The following ARHGAP40 variants were observed in gnomAD, a reference collection of about 807,000 sequenced individuals.
The protein encoded by ARHGAP40 is rho GTPase-activating protein 40.
Under a neutral mutation model 73.5 loss-of-function variants are expected in ARHGAP40, and 43 were observed. That is an observed-to-expected ratio of 0.58 (90% CI 0.46 to 0.75). ARHGAP40 has a LOEUF of 0.75. Ranked by LOEUF, ARHGAP40 falls within the 30% of genes least tolerant of loss-of-function variation. The pLI is 0.00. For synonymous variants in ARHGAP40, 300 were observed against 352.8 expected, an observed-to-expected ratio of 0.85 and a Z score of 1.68; for missense variants, 734 against 861.8, an observed-to-expected ratio of 0.85 and a Z score of 1.86.
At chr20:38,644,034 T>TC in intron 11 of ARHGAP40, 124 bp downstream of exon 11, 1 of 849,860 alleles carries the variant, frequency 1.2e-6, no homozygotes, top group Admixed American at 3.7e-5. Context: ...TTTGTTGGCC[T>TC]CTGCACAGGC....
At chr20:38,630,849 A>G (rs1001169601) in intron 5 of ARHGAP40, among the ~76,000 whole-genome samples, 3 of 152,108 alleles carry the variant, frequency 2.0e-5, no homozygotes, top group Admixed American at 1.3e-4. Context: ...TGGAGTAAAT[A>G]TAGTCTTTCA....
chr20:38,621,751 T>A (rs1012277056), intron 1 of ARHGAP40, among the ~76,000 whole-genome samples: 1 of 152,180 alleles, frequency 6.6e-6, no homozygotes, highest in African/African-American at 2.4e-5. Context: ...AGGGAAAATA[T>A]AGCTAACAAA....
rs111663906 is a variant in ARHGAP40, at chr20:38,615,129, C to T, written c.138-8230C>T. 210 of 966,960 alleles carry T rather than the reference C, an allele frequency of 2.2e-4. No individual in the cohort carries two copies. The Middle Eastern group carries it at 2.8e-3, about 13-fold the overall frequency. The allele number at this position is 966,960 out of a possible 1,614,324, so 59.9% of individuals were successfully genotyped here. ...GTCCCATATATCCTTGACCAGGGTC[C>T]GGATTTCGTCTGCCTTCGGGATGTT... is the stretch of plus-strand genomic sequence containing the variant. On this transcript the variant is annotated intron_variant, in intron 1 of 14. Transcript: ENST00000373345.
At chr20:38,615,387 C>T (rs754663551) in intron 1 of ARHGAP40, 2 of 739,704 alleles carry the variant, frequency 2.7e-6, no homozygotes, top group Admixed American at 1.9e-5. Flanking sequence ...AGGTACCCAC[C>T]CCAATGAGGT....
At chr20:38,627,529 GTA>G (rs1311833375) in intron 3 of ARHGAP40, among the ~76,000 whole-genome samples, 36 of 130,306 alleles carry the variant, frequency 2.8e-4, no homozygotes, top group East Asian at 1.9e-3. Context: ...GTGTGTTGGG[GTA>G]TGTGTGTGTG....
At chr20:38,613,382 T>A (rs1601134540) in intron 1 of ARHGAP40, among the ~76,000 whole-genome samples, 1 of 152,174 alleles carries the variant, frequency 6.6e-6, no homozygotes, top group Admixed American at 6.5e-5. Flanking sequence ...TTGAAACCTA[T>A]GCAATTCTCT....
At chr20:38,611,470 TG>T in intron 1 of ARHGAP40, among the ~76,000 whole-genome samples, 2 of 147,502 alleles carry the variant, frequency 1.4e-5, no homozygotes, top group Admixed American at 1.4e-4. Context: ...CAAGCTGGAG[TG>T]CAGTAACACA....
chr20:38,611,293 C>T lies in ARHGAP40; in HGVS notation c.137+9214C>T, dbSNP rs562298686. The stretch of plus-strand genomic sequence containing the variant: ...CCAACTTCCCAACCCATCATGGCTA[C>T]GAATTCAGTTTTGCAGGTTTCCCTG... On this transcript the variant is annotated intron_variant, in intron 1 of 14. Coordinates refer to ENST00000373345, the Ensembl canonical transcript of ARHGAP40. 4.8e-4 allele frequency among the ~76,000 whole-genome samples: 73 copies of T among 152,112 alleles called. No homozygotes were observed. The South Asian group carries it at 0.011, about 22-fold the overall frequency.
chr20:38,629,069 G>A, intron 4 of ARHGAP40, 67 bp downstream of exon 4: 1 of 1,172,338 alleles, frequency 8.5e-7, no homozygotes. Flanking sequence ...GCTCTGTGAA[G>A]TAAGAGAATG....
At chr20:38,630,164 T>TCCC (rs1568608530) in intron 5 of ARHGAP40, among the ~76,000 whole-genome samples, 1 of 128,508 alleles carries the variant, frequency 7.8e-6, no homozygotes, top group Admixed American at 8.0e-5. Flanking sequence ...CCTCCCTCCC[T>TCCC]TCCTTCCTTC....
At chr20:38,630,490 G>A (rs1048437953) in intron 5 of ARHGAP40, among the ~76,000 whole-genome samples, 7 of 151,952 alleles carry the variant, frequency 4.6e-5, no homozygotes, top group Non-Finnish European at 1.0e-4. Flanking sequence ...CAAAGTGCTG[G>A]GATTACAGGT....
intron 13 of ARHGAP40, 111 bp downstream of exon 13, chr20:38,647,237 C>T (rs1226974308): frequency 6.9e-6 from 7 of 1,012,504 alleles, no homozygotes; most frequent in Non-Finnish European, 9.1e-6. Flanking sequence ...ACCTGGCCTT[C>T]CCTTTCTGGG....
At chr20:38,622,947 C>T (rs1041628591) in intron 1 of ARHGAP40, among the ~76,000 whole-genome samples, 2 of 152,152 alleles carry the variant, frequency 1.3e-5, no homozygotes, top group Non-Finnish European at 2.9e-5. Context: ...GCCAGACTCA[C>T]AAAGGAGGAA....
intron 1 of ARHGAP40, among the ~76,000 whole-genome samples, chr20:38,620,104 T>C (rs1171409425): frequency 1.3e-5 from 2 of 152,350 alleles, no homozygotes; most frequent in Non-Finnish European, 2.9e-5. Flanking sequence ...TGTTTGCCCC[T>C]GGGCATGTAG....
intron 3 of ARHGAP40, among the ~76,000 whole-genome samples, chr20:38,627,909 G>C (rs1037049343): frequency 9.8e-5 from 15 of 152,304 alleles, no homozygotes; most frequent in African/African-American, 1.9e-4. Context: ...TTGGGGATTA[G>C]CTCTGGAAGC....
intron 1 of ARHGAP40, chr20:38,615,464 C>T (rs2088830458): frequency 1.2e-5 from 8 of 693,272 alleles, no homozygotes; most frequent in African/African-American, 1.8e-5. Flanking sequence ...AACTCGACCT[C>T]GGCCACGTCC....
chr20:38,604,322 T>A (rs1228690639), intron 1 of ARHGAP40, among the ~76,000 whole-genome samples: 1 of 152,154 alleles, frequency 6.6e-6, no homozygotes, highest in Non-Finnish European at 1.5e-5. Context: ...TTAAGAGAGT[T>A]TAAAATTTGA....
In ARHGAP40 at chr20:38,637,294, C is replaced by T. The variant is rs1166950851; in HGVS notation, c.950-414C>T. Among the ~76,000 whole-genome samples, 6 of 151,990 alleles carry T rather than the reference C, an allele frequency of 3.9e-5. No homozygotes were observed. The East Asian group carries it at 5.8e-4, about 15-fold the overall frequency. On this transcript the variant is annotated intron_variant, in intron 6 of 14. Transcript: ENST00000373345. ...CCGAGTAGCTGGGGTTACAGACACC[C>T]GCTACCACACTCAGCTAATTTTTTG...
At chr20:38,622,396 A>G (rs2088878266) in intron 1 of ARHGAP40, among the ~76,000 whole-genome samples, 1 of 152,076 alleles carries the variant, frequency 6.6e-6, no homozygotes, top group Non-Finnish European at 1.5e-5. Context: ...TATTTTTGCC[A>G]TTATGACCAA....
Sources: gnomAD v4.1 joint callset for allele counts (sites outside exome capture counted in the v4.1 genomes callset) on GRCh38, gnomAD v4.1.1 for gene constraint, MANE v1.5 for transcripts, NCBI Gene and HGNC (gene_info 2026-07-23, HGNC 2026-07-21) for gene names.